TMTC2: variants seen among roughly 807,000 people sequenced by gnomAD.
The protein encoded by TMTC2 is transmembrane O-mannosyltransferase targeting cadherins 2.
In TMTC2, 43 loss-of-function variants were observed where a neutral mutation model predicts 82.4. That is an observed-to-expected ratio of 0.52 (90% CI 0.41 to 0.67). The LOEUF (loss-of-function observed/expected upper bound fraction) is 0.67, where lower values mean the gene tolerates loss of function less well. Ranked by LOEUF, TMTC2 falls within the 30% of genes least tolerant of loss-of-function variation. TMTC2 has a pLI of 0.00. For synonymous variants in TMTC2, 408 were observed against 381.9 expected (o/e 1.07, Z -0.80); for missense variants, 919 against 1,012.4 (o/e 0.91, Z 1.25).
chr12:82,838,952 A>G (rs1870194965), intron 1 of TMTC2, among the ~76,000 whole-genome samples: 1 of 152,144 alleles, frequency 6.6e-6, no homozygotes, highest in Non-Finnish European at 1.5e-5. Context: ...TAAGTAAGTT[A>G]TTGATTCCTC....
At chr12:82,714,357 A>G (rs1210583734) in intron 1 of TMTC2, among the ~76,000 whole-genome samples, 1 of 152,224 alleles carries the variant, frequency 6.6e-6, no homozygotes, top group African/African-American at 2.4e-5. Flanking sequence ...TCAAATTGGA[A>G]TTGTTATATT....
intron 1 of TMTC2, among the ~76,000 whole-genome samples, chr12:82,700,610 T>C (rs929813720): frequency 2.6e-5 from 4 of 152,176 alleles, no homozygotes; most frequent in Admixed American, 1.3e-4. Context: ...CAGGCACCCA[T>C]ACAAGCATGC....
intron 2 of TMTC2, among the ~76,000 whole-genome samples, chr12:82,889,770 T>C (rs73360269): frequency 0.02 from 2,990 of 152,280 alleles, 104 homozygotes; most frequent in African/African-American, 0.068. Context: ...TTGATATTTA[T>C]GCATATATAT....
intron 2 of TMTC2, among the ~76,000 whole-genome samples, chr12:82,876,455 G>A (rs903066647): frequency 2.6e-5 from 4 of 152,060 alleles, no homozygotes; most frequent in African/African-American, 9.7e-5. Context: ...AATGGGCCGT[G>A]TTTTTTCCAT....
At position 83,030,676 on chromosome 12, in the gene TMTC2, A is replaced by G. The variant is rs11115554; in HGVS notation, c.2071-122A>G. 573 of 592,688 alleles carry G rather than the reference A, an allele frequency of 9.7e-4. 1 individual carries two copies. The highest frequency in any genetic ancestry group is 2.0e-3 in the Middle Eastern group (7 of 3,588). The allele number at this position is 592,688 out of a possible 1,614,324, so 36.7% of individuals were successfully genotyped here. ...CATCCTCACATAGATAAAAACAAAAATTTTTTTTTTCCTTTCCTATGATGA... is the reference window on the plus strand; with the variant it reads ...CATCCTCACATAGATAAAAACAAAAGTTTTTTTTTTCCTTTCCTATGATGA... On this transcript the variant is annotated intron_variant, in intron 8 of 11. Coordinates refer to ENST00000321196, the MANE Select transcript of TMTC2 (RefSeq NM_152588.3).
At chr12:82,720,730 T>C (rs771378710) in intron 1 of TMTC2, among the ~76,000 whole-genome samples, 26 of 152,266 alleles carry the variant, frequency 1.7e-4, no homozygotes, top group Non-Finnish European at 3.1e-4. Flanking sequence ...CTTGTTGTTA[T>C]CTGTCTTTGA....
chr12:82,873,004 T>C (rs1395280714), intron 2 of TMTC2, among the ~76,000 whole-genome samples: 10 of 152,190 alleles, frequency 6.6e-5, no homozygotes, highest in Non-Finnish European at 1.5e-5. Flanking sequence ...ATAAAAACTA[T>C]AAATTGCCTC....
chr12:83,044,002 A>G (rs1437432441), intron 9 of TMTC2, among the ~76,000 whole-genome samples: 2 of 152,220 alleles, frequency 1.3e-5, no homozygotes, highest in Non-Finnish European at 2.9e-5. Flanking sequence ...TCAGAGTCCT[A>G]ATATCAGAGC....
At chr12:82,862,750 A>T (rs1308806544) in intron 2 of TMTC2, among the ~76,000 whole-genome samples, 1 of 152,216 alleles carries the variant, frequency 6.6e-6, no homozygotes, top group Admixed American at 6.5e-5. Flanking sequence ...CCCATGGGCA[A>T]TGAAGTTTAC....
At chr12:82,950,131 T>C (rs1203413850) in intron 4 of TMTC2, among the ~76,000 whole-genome samples, 1 of 152,208 alleles carries the variant, frequency 6.6e-6, no homozygotes, top group Non-Finnish European at 1.5e-5. Context: ...TGAAGCCTGA[T>C]ACCTCTGAAT....
chr12:82,990,516 T>C (rs187888083), intron 8 of TMTC2, among the ~76,000 whole-genome samples: 287 of 152,278 alleles, frequency 1.9e-3, no homozygotes, highest in African/African-American at 6.2e-3. Flanking sequence ...TCAGATTTTA[T>C]TTCTTCCGTG....
intron 11 of TMTC2, among the ~76,000 whole-genome samples, chr12:83,119,667 A>T (rs889788801): frequency 1.3e-5 from 2 of 152,148 alleles, no homozygotes; most frequent in African/African-American, 4.8e-5. Context: ...CATTTCTTCC[A>T]GGGTATAGTT....
At chr12:82,927,934 CA>C (rs371844379) in intron 3 of TMTC2, among the ~76,000 whole-genome samples, 16 of 150,614 alleles carry the variant, frequency 1.1e-4, no homozygotes, top group African/African-American at 2.2e-4. Flanking sequence ...ACTAGAAAAC[CA>C]AAAAAAAATT....
At chr12:83,014,658 A>G (rs549988086) in intron 8 of TMTC2, among the ~76,000 whole-genome samples, 2 of 152,314 alleles carry the variant, frequency 1.3e-5, no homozygotes, top group African/African-American at 2.4e-5. Flanking sequence ...TACAACTAAA[A>G]TAACCATGTA....
intron 1 of TMTC2, among the ~76,000 whole-genome samples, chr12:82,808,359 A>G (rs1770197589): frequency 6.6e-6 from 1 of 152,028 alleles, no homozygotes; most frequent in African/African-American, 2.4e-5. Context: ...TTATTTCTTT[A>G]GCGAATATAA....
At chr12:83,004,223 GT>G (rs1238229202) in intron 8 of TMTC2, among the ~76,000 whole-genome samples, 1 of 152,028 alleles carries the variant, frequency 6.6e-6, no homozygotes, top group African/African-American at 2.4e-5. Context: ...AACTTTTCCA[GT>G]TTTTTGGTTT....
intron 2 of TMTC2, among the ~76,000 whole-genome samples, chr12:82,866,293 C>G (rs1003176745): frequency 5.3e-5 from 8 of 150,292 alleles, no homozygotes; most frequent in Non-Finnish European, 1.2e-4. Context: ...TGTGTCCCTT[C>G]TCCCAACCTT....
At chr12:82,726,878 CAAAAAAAAAAA>C (rs757515287) in intron 1 of TMTC2, among the ~76,000 whole-genome samples, 5 of 42,352 alleles carry the variant, frequency 1.2e-4, no homozygotes, top group African/African-American at 1.8e-4. Flanking sequence ...GACTCTGTCT[CAAAAAAAAAAA>C]AAAAAAAAAA....
rs114587585 is a variant in TMTC2 at position 82,988,084 on chromosome 12, A to G, written c.2070+2038A>G. 6.5e-3 allele frequency among the ~76,000 whole-genome samples: 995 copies of G among 152,358 alleles called. 16 individuals carry two copies. The highest frequency in any genetic ancestry group is 0.023 in the African/African-American group (955 of 41,576). Reference sequence around the variant, plus strand: ...ATGCTGGAGTGAGGTGCATAAAAGTACTGGGCAAAGAAATTGGTGATGATG... The same window carrying G: ...ATGCTGGAGTGAGGTGCATAAAAGTGCTGGGCAAAGAAATTGGTGATGATG... On this transcript the variant is annotated intron_variant, in intron 8 of 11. Transcript: ENST00000321196.
Sources: gnomAD v4.1 joint callset for allele counts (sites outside exome capture counted in the v4.1 genomes callset) on GRCh38, gnomAD v4.1.1 for gene constraint, MANE v1.5 for transcripts, NCBI Gene and HGNC (gene_info 2026-07-23, HGNC 2026-07-21) for gene names.